GABRB2: variants seen among roughly 807,000 people sequenced by gnomAD.
GABRB2 encodes the protein gamma-aminobutyric acid type A receptor subunit beta2.
A neutral mutation model predicts 54.7 loss-of-function variants in GABRB2; 16 were observed. The observed-to-expected ratio is 0.29, with a 90% CI of 0.20 to 0.44. The LOEUF (loss-of-function observed/expected upper bound fraction) is 0.44. Among genes scored for constraint, GABRB2 ranks in the 20% least tolerant of loss-of-function variants. The probability of loss-of-function intolerance (pLI) is 1.00; values close to 1 mark genes in which losing one functional copy is unlikely to be tolerated. For missense variants in GABRB2, 355 were observed against 644.0 expected, an observed-to-expected ratio of 0.55 and a Z score of 4.86; for synonymous variants, 244 against 233.8, an observed-to-expected ratio of 1.04 and a Z score of -0.40.
intron 4 of GABRB2, among the ~76,000 whole-genome samples, chr5:161,449,583 C>A (rs1237194083): frequency 6.6e-6 from 1 of 152,102 alleles, no homozygotes; most frequent in Non-Finnish European, 1.5e-5. Context: ...AATCATTAAA[C>A]CAACGCTGAG....
At chr5:161,375,386 T>A (rs1287793411) in intron 5 of GABRB2, among the ~76,000 whole-genome samples, 1 of 152,202 alleles carries the variant, frequency 6.6e-6, no homozygotes, top group Non-Finnish European at 1.5e-5. Flanking sequence ...GGTGTTCCCT[T>A]CAAGGAGTAA....
chr5:161,341,780 C>A (rs923375653), intron 5 of GABRB2, among the ~76,000 whole-genome samples: 4 of 150,506 alleles, frequency 2.7e-5, no homozygotes, highest in African/African-American at 7.3e-5. Context: ...TCTCTCTTTA[C>A]TGTCAATCTA....
At chr5:161,309,588 CA>C (rs1197466661) in intron 9 of GABRB2, among the ~76,000 whole-genome samples, 1 of 151,858 alleles carries the variant, frequency 6.6e-6, no homozygotes, top group Admixed American at 6.6e-5. Context: ...TTCACAATAG[CA>C]AAGACATGAA....
chr5:161,475,358 C>A (rs946681507), intron 3 of GABRB2, among the ~76,000 whole-genome samples: 1 of 151,832 alleles, frequency 6.6e-6, no homozygotes, highest in South Asian at 2.1e-4. Context: ...ACAGTTGAAA[C>A]CCAAGAGAAG....
At chr5:161,368,116 GAC>G (rs11467721) in intron 5 of GABRB2, among the ~76,000 whole-genome samples, 22,614 of 144,850 alleles carry the variant, frequency 0.16, 2,268 homozygotes, top group African/African-American at 0.29. Context: ...CTCCCTCTCT[GAC>G]ACACACACAC....
intron 5 of GABRB2, among the ~76,000 whole-genome samples, chr5:161,363,806 A>T (rs1754894389): frequency 6.6e-6 from 1 of 152,256 alleles, no homozygotes; most frequent in African/African-American, 2.4e-5. Flanking sequence ...CATTAGGAAC[A>T]GTTAGTTTCC....
In GABRB2 at chr5:161,418,403, G is replaced by A. The variant is rs575888518; in HGVS notation, c.459-7346C>T. ...CTAAGTTATGTCTTAGAGGAAGTCTGCATCCCTGAAAAAGGGTAATCATTC... is the reference window on the plus strand; with the variant it reads ...CTAAGTTATGTCTTAGAGGAAGTCTACATCCCTGAAAAAGGGTAATCATTC... On this transcript the variant is annotated intron_variant, in intron 4 of 9. Coordinates refer to ENST00000393959, the MANE Select transcript of GABRB2 (RefSeq NM_001371727.1). 1.4e-3 allele frequency among the ~76,000 whole-genome samples: 206 copies of A among 152,168 alleles called. 1 individual carries two copies. Among genetic ancestry groups the A allele is most frequent in the Admixed American group, 2.3e-3 (35 of 15,286 alleles).
intron 3 of GABRB2, among the ~76,000 whole-genome samples, chr5:161,538,285 G>C (rs1760704722): frequency 6.6e-6 from 1 of 152,144 alleles, no homozygotes; most frequent in Non-Finnish European, 1.5e-5. Flanking sequence ...CACTGGGAGA[G>C]ACACCATAAC....
intron 4 of GABRB2, among the ~76,000 whole-genome samples, chr5:161,429,504 A>T (rs188399393): frequency 3.2e-4 from 49 of 152,218 alleles, no homozygotes; most frequent in Non-Finnish European, 6.0e-4. Flanking sequence ...GCCTGGAGGG[A>T]TAACCAGTCA....
At chr5:161,338,256 A>T (rs900688636) in intron 5 of GABRB2, among the ~76,000 whole-genome samples, 6 of 152,178 alleles carry the variant, frequency 3.9e-5, no homozygotes, top group African/African-American at 1.4e-4. Flanking sequence ...CTGATGCAGA[A>T]CTACAGTTTT....
intron 4 of GABRB2, among the ~76,000 whole-genome samples, chr5:161,420,358 A>G (rs1415257944): frequency 6.6e-6 from 1 of 152,226 alleles, no homozygotes; most frequent in Non-Finnish European, 1.5e-5. Context: ...ATATTATTTT[A>G]AAATGTGAGC....
At chr5:161,507,951 TAA>T (rs1320539895) in intron 3 of GABRB2, among the ~76,000 whole-genome samples, 2 of 151,688 alleles carry the variant, frequency 1.3e-5, no homozygotes, top group African/African-American at 4.8e-5. Context: ...CAGAATCTTA[TAA>T]AGTTAAACAT....
chr5:161,318,886 T>C (rs1355932823), intron 9 of GABRB2, among the ~76,000 whole-genome samples: 1 of 151,980 alleles, frequency 6.6e-6, no homozygotes, highest in Non-Finnish European at 1.5e-5. Context: ...TAAAATCTTA[T>C]TACTGTGAAA....
chr5:161,435,376 C>A (rs889169136), intron 4 of GABRB2, among the ~76,000 whole-genome samples: 7 of 151,836 alleles, frequency 4.6e-5, no homozygotes, highest in Admixed American at 3.9e-4. Flanking sequence ...GTGAATAAAG[C>A]AAATTATTAA....
At position 161,358,137 on chromosome 5, in the gene GABRB2, G is replaced by GA. The variant is rs1379102609; in HGVS notation, c.542-21369dup. ...AAGGAAACCACAAAGAAATCACTGA[G>GA]AAAAAATTATAAGTAAGGTAAGAAG... On this transcript the variant is annotated intron_variant, in intron 5 of 9. Transcript: ENST00000393959. 3.4e-4 allele frequency among the ~76,000 whole-genome samples: 52 copies of GA among 152,194 alleles called. 1 individual carries two copies. Among genetic ancestry groups the GA allele is most frequent in the East Asian group, 1.9e-4 (1 of 5,180 alleles).
At chr5:161,314,372 G>A (rs1757963710) in intron 9 of GABRB2, among the ~76,000 whole-genome samples, 1 of 152,184 alleles carries the variant, frequency 6.6e-6, no homozygotes, top group South Asian at 2.1e-4. Context: ...GAAGTGTTGA[G>A]AGGCAAAGAG....
At chr5:161,447,200 AAGAT>A (rs1249681269) in intron 4 of GABRB2, among the ~76,000 whole-genome samples, 2 of 152,150 alleles carry the variant, frequency 1.3e-5, no homozygotes, top group Non-Finnish European at 2.9e-5. Flanking sequence ...GAAGCTTAGA[AAGAT>A]AGAGCACAGC....
intron 4 of GABRB2, among the ~76,000 whole-genome samples, chr5:161,414,862 T>G (rs546015919): frequency 5.9e-5 from 9 of 152,274 alleles, no homozygotes; most frequent in Non-Finnish European, 1.2e-4. Context: ...CTTATTTAAC[T>G]CATGTAAAAA....
At chr5:161,393,703 AGACC>A (rs1229150963) in intron 5 of GABRB2, among the ~76,000 whole-genome samples, 3 of 152,130 alleles carry the variant, frequency 2.0e-5, no homozygotes, top group African/African-American at 7.2e-5. Flanking sequence ...TTCATCAGGA[AGACC>A]TAATAATTCT....
Sources: gnomAD v4.1 joint callset for allele counts (sites outside exome capture counted in the v4.1 genomes callset) on GRCh38, gnomAD v4.1.1 for gene constraint, MANE v1.5 for transcripts, NCBI Gene and HGNC (gene_info 2026-07-23, HGNC 2026-07-21) for gene names.